CHSY3: variants seen among roughly 807,000 people sequenced by gnomAD.
The protein encoded by CHSY3 is chondroitin sulfate synthase 3.
A neutral mutation model predicts 67.2 loss-of-function variants in CHSY3; 35 were observed. That is an observed-to-expected ratio of 0.52 (90% CI 0.40 to 0.69). The LOEUF is 0.69. Ranked by LOEUF, CHSY3 falls within the 30% of genes least tolerant of loss-of-function variation. The probability of loss-of-function intolerance (pLI) is 0.00; values close to 1 mark genes in which losing one functional copy is unlikely to be tolerated. For synonymous variants in CHSY3, 474 were observed against 434.7 expected (o/e 1.09, Z -1.12); for missense variants, 1,069 against 1,138.5 (o/e 0.94, Z 0.88).
chr5:129,910,991 T>C (rs1322323003), intron 2 of CHSY3, among the ~76,000 whole-genome samples: 1 of 151,722 alleles, frequency 6.6e-6, no homozygotes, highest in East Asian at 1.9e-4. Flanking sequence ...TTTTTTTTTT[T>C]TTTTTGGTTT....
chr5:130,143,794 A>ATGTGTG, intron 2 of CHSY3, among the ~76,000 whole-genome samples: 1 of 90,850 alleles, frequency 1.1e-5, no homozygotes, highest in East Asian at 3.7e-4. Context: ...GTATATATAT[A>ATGTGTG]TATATATATA....
At chr5:130,147,709 A>G (rs1769111839) in intron 2 of CHSY3, among the ~76,000 whole-genome samples, 1 of 152,202 alleles carries the variant, frequency 6.6e-6, no homozygotes, top group Admixed American at 6.5e-5. Context: ...ACAATCTGGC[A>G]GTAGGCAAAG....
At chr5:130,143,738 ATATATATATATATATATATGTG>A (rs1561557058) in intron 2 of CHSY3, among the ~76,000 whole-genome samples, 23 of 107,430 alleles carry the variant, frequency 2.1e-4, no homozygotes, top group African/African-American at 8.3e-4. Context: ...GTGTGTGTAT[ATATATATATATATATATATGTG>A]TGTGTGTGTA....
chr5:130,143,608 A>G (rs1446536137), intron 2 of CHSY3, among the ~76,000 whole-genome samples: 1 of 150,712 alleles, frequency 6.6e-6, no homozygotes, highest in Non-Finnish European at 1.5e-5. Context: ...TATTGGGGCT[A>G]TTGCATACTA....
intron 2 of CHSY3, among the ~76,000 whole-genome samples, chr5:129,964,717 A>G (rs902562464): frequency 1.3e-5 from 2 of 151,888 alleles, no homozygotes; most frequent in Non-Finnish European, 2.9e-5. Context: ...AAATAATCTT[A>G]ATTACTGTCA....
At chr5:130,084,373 G>A (rs534453882) in intron 2 of CHSY3, among the ~76,000 whole-genome samples, 51 of 152,020 alleles carry the variant, frequency 3.4e-4, no homozygotes, top group Non-Finnish European at 6.3e-4. Flanking sequence ...CAATTAGCTT[G>A]ATTTGATCAT....
rs563509226 is a variant in CHSY3 at position 129,991,872 on chromosome 5, G to T, written c.1086+83512G>T. On this transcript the variant is annotated intron_variant, in intron 2 of 2. Transcript: ENST00000305031. The stretch of plus-strand genomic sequence containing the variant: ...ACGACAATTAATGACGTCCCCAAAA[G>T]ATTTCAGGGAACATGAAGTTGCTTC... Among the ~76,000 whole-genome samples the T allele has an allele frequency of 3.6e-4, 55 of 152,234 alleles. 1 individual carries two copies. In the South Asian group the frequency reaches 0.011, roughly 30 times the overall value.
chr5:129,975,373 A>C (rs1351086936), intron 2 of CHSY3, among the ~76,000 whole-genome samples: 3 of 152,156 alleles, frequency 2.0e-5, no homozygotes, highest in African/African-American at 7.2e-5. Flanking sequence ...GACATTACAA[A>C]ATGACTTATC....
intron 2 of CHSY3, among the ~76,000 whole-genome samples, chr5:129,998,564 A>C (rs1763619192): frequency 1.3e-5 from 2 of 152,186 alleles, no homozygotes; most frequent in Non-Finnish European, 2.9e-5. Flanking sequence ...CCAAATTTTC[A>C]TATAGGTTGA....
intron 2 of CHSY3, among the ~76,000 whole-genome samples, chr5:129,936,466 G>A (rs1761496138): frequency 6.6e-6 from 1 of 152,076 alleles, no homozygotes; most frequent in Non-Finnish European, 1.5e-5. Context: ...GCACTCACCA[G>A]ACCTTAGTCA....
At position 130,055,218 on chromosome 5, in the gene CHSY3, C is replaced by G. The variant is rs78576709; in HGVS notation, c.1087-129011C>G. Among the ~76,000 whole-genome samples the G allele has an allele frequency of 1.7e-4, 25 of 149,902 alleles. No homozygotes were observed. In the East Asian group the frequency reaches 4.9e-3, roughly 30 times the overall value. ...GACTTGCCTGATGTGATTCAACAAA[C>G]AATTCTGTGTTTTTGACATGCCCTC... is the stretch of plus-strand genomic sequence containing the variant. On this transcript the variant is annotated intron_variant, in intron 2 of 2. Transcript: ENST00000305031.
intron 2 of CHSY3, among the ~76,000 whole-genome samples, chr5:130,058,942 G>C (rs144520099): frequency 6.6e-6 from 1 of 152,254 alleles, no homozygotes; most frequent in East Asian, 1.9e-4. Flanking sequence ...TTCTCTGTGT[G>C]TTTTTTATGA....
rs1359708448 is a variant in CHSY3, at chr5:130,163,797, A to ATTTATTTACTTTCT, written c.1087-20432_1087-20431insTTTATTTACTTTCT. ...CTAATTGATAGAGGAATAAATTAGA[A>ATTTATTTACTTTCT]AGTAAAGCATTATAGTAAACACCAA... On this transcript the variant is annotated intron_variant, in intron 2 of 2. Coordinates refer to ENST00000305031, the MANE Select transcript of CHSY3 (RefSeq NM_175856.5). Among the ~76,000 whole-genome samples, 305 of 152,296 alleles carry ATTTATTTACTTTCT rather than the reference A, an allele frequency of 2.0e-3. 1 individual carries two copies. The highest frequency in any genetic ancestry group is 6.7e-3 in the African/African-American group (280 of 41,570).
chr5:129,943,974 A>T (rs1580561619), intron 2 of CHSY3, among the ~76,000 whole-genome samples: 1 of 152,356 alleles, frequency 6.6e-6, no homozygotes, highest in Non-Finnish European at 1.5e-5. Context: ...ATGCCCTTCT[A>T]CTATTCCATG....
At chr5:129,970,308 T>C (rs749981579) in intron 2 of CHSY3, among the ~76,000 whole-genome samples, 22 of 151,708 alleles carry the variant, frequency 1.5e-4, no homozygotes, top group Non-Finnish European at 2.9e-4. Context: ...TGGCACATAG[T>C]AGGTACTCAA....
intron 2 of CHSY3, among the ~76,000 whole-genome samples, chr5:130,026,344 T>C (rs1250573183): frequency 6.6e-6 from 1 of 152,124 alleles, no homozygotes; most frequent in African/African-American, 2.4e-5. Flanking sequence ...ATGAAGTGAT[T>C]AAAATGTAAA....
chr5:129,916,165 C>T (rs554281747), intron 2 of CHSY3, among the ~76,000 whole-genome samples: 2 of 152,282 alleles, frequency 1.3e-5, no homozygotes, highest in South Asian at 4.1e-4. Flanking sequence ...TTATGTCTCA[C>T]TCAAATGTTT....
intron 2 of CHSY3, among the ~76,000 whole-genome samples, chr5:130,011,659 A>G (rs564807114): frequency 3.0e-4 from 46 of 152,340 alleles, no homozygotes; most frequent in Admixed American, 1.8e-3. Flanking sequence ...AAGGCATCCA[A>G]ATAGGAAGAT....
intron 2 of CHSY3, among the ~76,000 whole-genome samples, chr5:129,958,510 A>C (rs1309252854): frequency 6.6e-6 from 1 of 152,022 alleles, no homozygotes. Context: ...ACATTTTTGT[A>C]ACTTTTGTAC....
Sources: allele counts gnomAD v4.1 joint callset (sites outside exome capture counted in the v4.1 genomes callset), GRCh38; gene constraint gnomAD v4.1.1; transcripts MANE v1.5; gene names NCBI Gene and HGNC (gene_info 2026-07-23, HGNC 2026-07-21).